PPFIBP2: variants seen among roughly 807,000 people sequenced by gnomAD.
PPFIBP2 encodes liprin-beta-2.
Under a neutral mutation model 118.3 loss-of-function variants are expected in PPFIBP2, and 118 were observed. The observed-to-expected ratio is 1.00, with a 90% CI of 0.86 to 1.16. The LOEUF (loss-of-function observed/expected upper bound fraction) is 1.16. Ranked by LOEUF, PPFIBP2 falls within the 50% of genes most tolerant of loss-of-function variation. The probability of loss-of-function intolerance (pLI) is 0.00; values close to 1 mark genes in which losing one functional copy is unlikely to be tolerated. For synonymous variants in PPFIBP2, 414 were observed against 397.4 expected (o/e 1.04, Z -0.50); for missense variants, 1,195 against 1,073.1 (o/e 1.11, Z -1.59).
chr11:7,661,101 C>G (rs1456232463), downstream of PPFIBP2, among the ~76,000 whole-genome samples: 1 of 151,826 alleles, frequency 6.6e-6, no homozygotes, highest in Non-Finnish European at 1.5e-5. Context: ...AAAACCAGCT[C>G]CTGGATTCAT....
chr11:7,549,387 C>T (rs551860706), intron 1 of PPFIBP2, 53 bp from the exon 2 acceptor site: 133 of 1,477,694 alleles, frequency 9.0e-5, no homozygotes, highest in Non-Finnish European at 1.2e-4. Flanking sequence ...ATCTTGTGTG[C>T]GTAACATGGA....
At position 7,651,651 on chromosome 11, in the gene PPFIBP2, C is replaced by G. The variant is rs759053132; in HGVS notation, c.2248-5C>G. 1 of 1,597,466 alleles carries G rather than the reference C, an allele frequency of 6.3e-7. No individual in the cohort carries two copies. The highest frequency in any genetic ancestry group is 8.6e-7 in the Non-Finnish European group (1 of 1,167,616). Reference sequence around the variant, plus strand: ...TGGCCAGGCTTGTCTCTGGTTCCTTCTTAGATCCTGGAGCCACGCTTCACT... The same window carrying G: ...TGGCCAGGCTTGTCTCTGGTTCCTTGTTAGATCCTGGAGCCACGCTTCACT... On this transcript the variant is annotated splice_polypyrimidine_tract_variant and splice_region_variant and intron_variant, in intron 22 of 23. Transcript: ENST00000299492.
At chr11:7,647,870 G>C (rs568158927) in intron 17 of PPFIBP2, among the ~76,000 whole-genome samples, 4 of 152,280 alleles carry the variant, frequency 2.6e-5, no homozygotes, top group African/African-American at 9.6e-5. Flanking sequence ...ACTTTAATGT[G>C]AATGTTCCTC....
At chr11:7,659,086 T>C (rs1451391091), downstream of PPFIBP2, among the ~76,000 whole-genome samples, 1 of 147,726 alleles carries the variant, frequency 6.8e-6, no homozygotes, top group African/African-American at 2.6e-5. Flanking sequence ...TCTCCCATTT[T>C]GTAGGTTGCC....
intron 3 of PPFIBP2, among the ~76,000 whole-genome samples, chr11:7,567,381 A>G (rs150939217): frequency 2.0e-3 from 304 of 152,372 alleles, no homozygotes; most frequent in African/African-American, 6.8e-3. Context: ...ATGCATTGGT[A>G]GAAAACAGCT....
intron 2 of PPFIBP2, among the ~76,000 whole-genome samples, chr11:7,563,614 A>G (rs1295773185): frequency 6.6e-6 from 1 of 152,196 alleles, no homozygotes; most frequent in Non-Finnish European, 1.5e-5. Flanking sequence ...GCAGCATACC[A>G]TGGATGCGGT....
chr11:7,628,317 G>C lies in PPFIBP2; in HGVS notation c.859G>C (p.Glu287Gln). The C allele has an allele frequency of 6.2e-7, 1 of 1,613,952 alleles. No individual in the cohort carries two copies. Among genetic ancestry groups the C allele is most frequent in the South Asian group, 1.1e-5 (1 of 91,052 alleles). The change falls in exon 9 of 24, where the codon GAA becomes CAA. Residue 287 changes from glutamate to glutamine, a missense_variant. Coordinates refer to ENST00000299492, the MANE Select transcript of PPFIBP2 (RefSeq NM_003621.5). ...AATTCAACGTCTGAAAATGGGGATG[G>C]AAACTTTGCTGCTTGCCAATGAAGA... ...QEIQRLKMGM[E>Q]TLLLANEDKD...
At chr11:7,645,026 C>CAAAAAA (rs57087700) in intron 17 of PPFIBP2, among the ~76,000 whole-genome samples, 3 of 81,822 alleles carry the variant, frequency 3.7e-5, no homozygotes, top group South Asian at 1.1e-3. Context: ...GACTCCGTCT[C>CAAAAAA]AAAAAAAAAA....
chr11:7,629,500 C>G lies in PPFIBP2; in HGVS notation c.930C>G (p.Tyr310Ter), dbSNP rs1017846777. ...AGCTTACGGGGCTGTTAAACCAGTA[C>G]CGGAAGGTAAAGGAGATTGTGATGG... ...IEELTGLLNQ[Y>*]RKVKEIVMVT... Residue 310 changes from tyrosine (Y) to a stop codon, truncating the protein, a stop_gained, in exon 10 of 24, where the codon TAC becomes TAG. Transcript: ENST00000299492. LOFTEE classifies it high-confidence loss of function. 1 of 1,613,924 alleles carries G rather than the reference C, an allele frequency of 6.2e-7. No homozygotes were observed. The highest frequency in any genetic ancestry group is 8.5e-7 in the Non-Finnish European group (1 of 1,179,982).
chr11:7,568,330 G>A (rs551112329), intron 3 of PPFIBP2, among the ~76,000 whole-genome samples: 2 of 152,274 alleles, frequency 1.3e-5, no homozygotes, highest in East Asian at 3.9e-4. Context: ...CCATCCTCAA[G>A]GGGTGGTTTT....
chr11:7,655,489 C>T (rs775962606), downstream of PPFIBP2: 3 of 1,289,716 alleles, frequency 2.3e-6, no homozygotes, highest in Non-Finnish European at 3.0e-6. Flanking sequence ...AAGACATTCA[C>T]CGCCTTACGG....
chr11:7,535,597 A>G (rs192955104), intron 1 of PPFIBP2, among the ~76,000 whole-genome samples: 79 of 152,372 alleles, frequency 5.2e-4, no homozygotes, highest in African/African-American at 1.8e-3. Flanking sequence ...TGAGATAAAC[A>G]TAAGAACTTA....
At chr11:7,663,643 A>T in the PPFIBP2 span, among the ~76,000 whole-genome samples, 1 of 152,248 alleles carries the variant, frequency 6.6e-6, no homozygotes, top group Non-Finnish European at 1.5e-5. Flanking sequence ...CTACAGAGGC[A>T]GGCAGGCCTC....
intron 1 of PPFIBP2, among the ~76,000 whole-genome samples, chr11:7,526,090 T>G (rs2134295898): frequency 6.6e-6 from 1 of 152,294 alleles, no homozygotes; most frequent in African/African-American, 2.4e-5. Flanking sequence ...AAACCGCTGT[T>G]TTAGAGCAGA....
At chr11:7,528,719 G>A (rs1850431615) in intron 1 of PPFIBP2, among the ~76,000 whole-genome samples, 2 of 152,356 alleles carry the variant, frequency 1.3e-5, no homozygotes, top group African/African-American at 4.8e-5. Context: ...ATGCAGGGGT[G>A]TAGAGTGGGT....
chr11:7,654,792 C>G (rs532757863), downstream of PPFIBP2, among the ~76,000 whole-genome samples: 3 of 152,338 alleles, frequency 2.0e-5, no homozygotes, highest in South Asian at 6.2e-4. Flanking sequence ...ACTGTTGTGC[C>G]ACTGATTCTC....
chr11:7,515,107 G>C (rs1027882584), intron 1 of PPFIBP2, among the ~76,000 whole-genome samples: 1 of 152,140 alleles, frequency 6.6e-6, no homozygotes, highest in Non-Finnish European at 1.5e-5. Flanking sequence ...CATTATTATA[G>C]GTGTATGGAA....
chr11:7,539,091 T>G (rs1457712223), intron 1 of PPFIBP2: 5 of 152,268 alleles, frequency 3.3e-5, no homozygotes, highest in Non-Finnish European at 5.9e-5. Flanking sequence ...TCAGCTTCTT[T>G]TAGGCTACTT....
At chr11:7,620,889 A>G (rs950561029) in intron 6 of PPFIBP2, 46 bp from the exon 7 acceptor site, 16 of 1,394,662 alleles carry the variant, frequency 1.1e-5, no homozygotes, top group African/African-American at 1.1e-4. Flanking sequence ...AATCAAGAGC[A>G]CATCTTTTAA....
Sources: allele counts gnomAD v4.1 joint callset (sites outside exome capture counted in the v4.1 genomes callset), GRCh38; gene constraint gnomAD v4.1.1; transcripts MANE v1.5; gene names NCBI Gene and HGNC (gene_info 2026-07-23, HGNC 2026-07-21).